Variants in PPIA observed in about 807,000 individuals in gnomAD.
The protein encoded by PPIA is peptidylprolyl isomerase A.
In PPIA, 2 loss-of-function variants were observed where a neutral mutation model predicts 15.3. That is an observed-to-expected ratio of 0.13 (90% CI 0.05 to 0.41). PPIA has a LOEUF of 0.41. Among genes scored for constraint, PPIA ranks in the 10% least tolerant of loss-of-function variants. The pLI, the probability that PPIA is intolerant of heterozygous loss-of-function variation, is 0.99. For missense variants in PPIA, 103 were observed against 210.3 expected, an observed-to-expected ratio of 0.49 and a Z score of 3.16; for synonymous variants, 67 against 73.1, an observed-to-expected ratio of 0.92 and a Z score of 0.43.
chr7:44,800,978 C>T (rs767986590), intron 4 of PPIA, among the ~76,000 whole-genome samples: 39 of 152,004 alleles, frequency 2.6e-4, no homozygotes, highest in Non-Finnish European at 3.8e-4. Context: ...CCACCATGCC[C>T]GGCTAATTTT....
chr7:44,800,142 G>A (rs935884449), intron 4 of PPIA: 2 of 456,150 alleles, frequency 4.4e-6, no homozygotes, highest in Non-Finnish European at 8.0e-6. Flanking sequence ...AGGTTGGAGT[G>A]CAGTGGCACA....
rs1270961804 is a variant in PPIA, at chr7:44,799,455, G to T, written c.164G>T (p.Arg55Ile). 1 of 1,612,662 alleles carries T rather than the reference G, an allele frequency of 6.2e-7. No homozygotes were observed. The change falls in exon 3 of 5, where the codon AGA (arginine) becomes ATA (isoleucine). Residue 55 changes from arginine to isoleucine, a missense_variant. By Grantham distance (97) the Arg-to-Ile change is moderately conservative. Coordinates refer to ENST00000468812, the MANE Select transcript of PPIA (RefSeq NM_021130.5). ...GGTTATAAGGGTTCCTGCTTTCACAGAATTATTCCAGGGTTTATGTGTCAG... is the reference window on the plus strand; with the variant it reads ...GGTTATAAGGGTTCCTGCTTTCACATAATTATTCCAGGGTTTATGTGTCAG... ...GFGYKGSCFH[R>I]IIPGFMCQGG...
intron 4 of PPIA, among the ~76,000 whole-genome samples, chr7:44,801,034 G>A (rs924117906): frequency 6.6e-6 from 1 of 151,606 alleles, no homozygotes; most frequent in African/African-American, 2.4e-5. Context: ...AGCCAGGATG[G>A]TCTCGATCTC....
At chr7:44,797,185 G>C (rs2116980248) in intron 1 of PPIA, among the ~76,000 whole-genome samples, 1 of 152,308 alleles carries the variant, frequency 6.6e-6, no homozygotes, top group Middle Eastern at 3.4e-3. Flanking sequence ...GCACGCTCGC[G>C]GGGGCTTGCG....
chr7:44,796,814 C>G, intron 1 of PPIA, 21 bp downstream of exon 1: 3 of 1,579,562 alleles, frequency 1.9e-6, no homozygotes, highest in Non-Finnish European at 2.6e-6. Context: ...CGGCGGCGTG[C>G]GGGAATGGGG....
At chr7:44,796,853 G>C (rs1484877011) in intron 1 of PPIA, 60 bp downstream of exon 1, 30 of 1,530,504 alleles carry the variant, frequency 2.0e-5, no homozygotes, top group Non-Finnish European at 2.2e-5. Flanking sequence ...GTCGGGGTGG[G>C]TGGTAGCGCC....
intron 4 of PPIA, 100 bp from the exon 5 acceptor site, chr7:44,801,187 A>T (rs1391060135): frequency 1.5e-4 from 12 of 80,682 alleles, no homozygotes; most frequent in South Asian, 9.5e-4. Context: ...GGCTTCAGTT[A>T]AAAAAAAAAA....
intron 1 of PPIA, chr7:44,799,027 T>G (rs1236111184): frequency 8.8e-7 from 1 of 1,138,788 alleles, no homozygotes; most frequent in African/African-American, 1.6e-5. Flanking sequence ...ATTTAAGTTA[T>G]GACTAGTATT....
In PPIA at chr7:44,799,830, C is replaced by T. The variant is rs8177828; in HGVS notation, c.318C>T (p.Asn106=). The change falls in exon 4 of 5, where the codon AAC becomes AAT. Residue 106 remains asparagine (N), a synonymous_variant. Coordinates refer to ENST00000468812, the MANE Select transcript of PPIA (RefSeq NM_021130.5). ...TGTCCATGGCAAATGCTGGACCCAA[C>T]ACAAATGGTTCCCAGTTTTTCATCT... ...GILSMANAGP[N]TNGSQFFICT... 0.014 allele frequency: 22,046 copies of T among 1,612,984 alleles called. 200 individuals carry two copies. Among genetic ancestry groups the T allele is most frequent in the Non-Finnish European group, 0.015 (17,612 of 1,179,894 alleles).
Position 44,802,191 on chromosome 7 carries a change from T to TTC in PPIA, c.*769_*770insTC, listed in dbSNP as rs751464359. On this transcript the variant is annotated 3_prime_UTR_variant, in exon 5 of 5. Transcript: ENST00000468812. ...TGTTGCGGTTTTTTTTTTTTTTTTT[T>TTC]CCCCTGGAATGCAGTGGCGTGATCT... The TTC allele has an allele frequency of 0.063, 9,289 of 147,010 alleles. 497 individuals carry two copies. The highest frequency in any genetic ancestry group is 0.11 in the South Asian group (502 of 4,556). The allele number at this position is 147,010 out of a possible 1,614,324, so 9.1% of individuals were successfully genotyped here. A position where few individuals can be genotyped will look rare whatever the true frequency, so the allele number is the denominator to read the frequency against.
chr7:44,798,631 C>T, intron 1 of PPIA: 5 of 619,322 alleles, frequency 8.1e-6, no homozygotes, highest in Non-Finnish European at 1.0e-5. Flanking sequence ...TATGAAAGGG[C>T]TTGTAAATGT....
intron 1 of PPIA, 32 bp downstream of exon 1, chr7:44,796,825 C>T (rs371831534): frequency 1.3e-5 from 20 of 1,589,258 alleles, no homozygotes; most frequent in Non-Finnish European, 1.5e-5. Context: ...GGGAATGGGG[C>T]CCAGAAAGTG....
rs1792564441 is a variant in PPIA, at chr7:44,801,621, A to G, written c.*199A>G. ...GTTTATGATTATGAAATAAAAACTAAATAACAATTGTCCTCGTTTGAGTTA... is the reference window on the plus strand; with the variant it reads ...GTTTATGATTATGAAATAAAAACTAGATAACAATTGTCCTCGTTTGAGTTA... On this transcript the variant is annotated 3_prime_UTR_variant, in exon 5 of 5. Transcript: ENST00000468812. The G allele has an allele frequency of 3.9e-6, 2 of 510,818 alleles. No individual in the cohort carries two copies. The highest frequency in any genetic ancestry group is 6.9e-6 in the Non-Finnish European group (2 of 289,958). 31.6% of individuals were successfully genotyped at this position (510,818 alleles called of 1,614,324 possible).
intron 4 of PPIA, chr7:44,800,093 A>G (rs17860067): frequency 0.019 from 10,857 of 567,974 alleles, 166 homozygotes; most frequent in Middle Eastern, 0.037. Flanking sequence ...TGGTTGAATT[A>G]GGTGCTACTT....
At chr7:44,800,961 G>A (rs1398012249) in intron 4 of PPIA, among the ~76,000 whole-genome samples, 1 of 152,026 alleles carries the variant, frequency 6.6e-6, no homozygotes, top group African/African-American at 2.4e-5. Context: ...GGGACTATAG[G>A]CACACGCCAC....
chr7:44,798,043 C>CTT (rs1792433218), intron 1 of PPIA: 1 of 152,068 alleles, frequency 6.6e-6, no homozygotes, highest in Non-Finnish European at 1.5e-5. Flanking sequence ...CTTGGCCTGA[C>CTT]CTAATGTTGG....
At chr7:44,799,123 TTAAAG>T (rs1489335252) in intron 1 of PPIA, 119 bp from the exon 2 acceptor site, 13 of 1,234,910 alleles carry the variant, frequency 1.1e-5, no homozygotes, top group East Asian at 2.4e-5. Context: ...TTCTTGGGAA[TTAAAG>T]TAATTACTGA....
intron 4 of PPIA, chr7:44,800,095 GT>G (rs1463994521): frequency 2.0e-5 from 11 of 563,426 alleles, no homozygotes; most frequent in Non-Finnish European, 2.8e-5. Flanking sequence ...GTTGAATTAG[GT>G]GCTACTTTTT....
rs564667202 is a variant in PPIA at position 44,798,825 on chromosome 7, T to A, written c.70-422T>A. On this transcript the variant is annotated intron_variant, in intron 1 of 4. Transcript: ENST00000468812. ...GTTAACAGATTGGAGGTAGTAGCAT[T>A]TTCATTACAAGTGACTAAAAGAACA... The A allele has an allele frequency of 4.0e-6, 4 of 996,188 alleles. No homozygotes were observed. The South Asian group carries it at 1.8e-4, about 45-fold the overall frequency. The allele number at this position is 996,188 out of a possible 1,614,324, so 61.7% of individuals were successfully genotyped here.
Sources: gnomAD v4.1 joint callset for allele counts (sites outside exome capture counted in the v4.1 genomes callset) on GRCh38, gnomAD v4.1.1 for gene constraint, MANE v1.5 for transcripts, NCBI Gene and HGNC (gene_info 2026-07-23, HGNC 2026-07-21) for gene names.